Variants in BBS9 observed in about 807,000 individuals in gnomAD.
BBS9 encodes protein PTHB1.
A neutral mutation model predicts 117.7 loss-of-function variants in BBS9; 89 were observed. The ratio of observed to expected loss-of-function variants is 0.76; its 90% CI spans 0.64 to 0.90. The LOEUF is 0.90. Among genes scored for constraint, BBS9 ranks in the 40% least tolerant of loss-of-function variants. The pLI is 0.00. For missense variants in BBS9, 982 were observed against 1,042.2 expected, an observed-to-expected ratio of 0.94 and a Z score of 0.80; for synonymous variants, 379 against 370.9, an observed-to-expected ratio of 1.02 and a Z score of -0.25.
chr7:33,512,207 T>G (rs1380190686), intron 20 of BBS9, among the ~76,000 whole-genome samples: 1 of 152,214 alleles, frequency 6.6e-6, no homozygotes, highest in Non-Finnish European at 1.5e-5. Flanking sequence ...TTGAATATGG[T>G]ATATCTTAGA....
chr7:33,165,258 A>G (rs907686512), intron 4 of BBS9, among the ~76,000 whole-genome samples: 4 of 152,124 alleles, frequency 2.6e-5, no homozygotes, highest in African/African-American at 9.7e-5. Flanking sequence ...GGCTGCCCTT[A>G]ACATTTTTTC....
chr7:33,317,769 G>C (rs1258588773), intron 9 of BBS9, among the ~76,000 whole-genome samples: 1 of 152,142 alleles, frequency 6.6e-6, no homozygotes, highest in African/African-American at 2.4e-5. Context: ...ACCCTTGCAT[G>C]GGCCAGGCGC....
rs1484474549 is a variant in BBS9, at chr7:33,167,527, TG to T, written c.329-9948del. Among the ~76,000 whole-genome samples, 3 of 151,590 alleles carry T rather than the reference TG, an allele frequency of 2.0e-5. No individual in the cohort carries two copies. The East Asian group carries it at 5.8e-4, about 29-fold the overall frequency. ...AAGCGACTCTCCTGCCTCAGCCTCC[TG>T]GGTGGCTGGGATTGCAGGTGCCCAC... On this transcript the variant is annotated intron_variant, in intron 4 of 22. Transcript: ENST00000242067.
At position 33,196,009 on chromosome 7, in the gene BBS9, T is replaced by A. The variant is rs143904736; in HGVS notation, c.442+18418T>A. 7.8e-3 allele frequency among the ~76,000 whole-genome samples: 1,191 copies of A among 152,278 alleles called. 19 individuals carry two copies. The highest frequency in any genetic ancestry group is 0.027 in the African/African-American group (1,137 of 41,552). On this transcript the variant is annotated intron_variant, in intron 5 of 22. Transcript: ENST00000242067. ...AGTAAAGGAAGTGAATGGATTTTTA[T>A]CAATAATATATATGAGCATAGTGGA...
At chr7:33,505,671 G>C (rs1436399494) in intron 20 of BBS9, 26 bp downstream of exon 20, 2 of 1,610,352 alleles carry the variant, frequency 1.2e-6, no homozygotes, top group Non-Finnish European at 1.7e-6. Flanking sequence ...CCTGTGGTGG[G>C]AACAGCCAGC....
chr7:33,543,153 C>T (rs1852678408), intron 21 of BBS9, among the ~76,000 whole-genome samples: 1 of 152,100 alleles, frequency 6.6e-6, no homozygotes, highest in African/African-American at 2.4e-5. Context: ...TATGGCCATT[C>T]TTGCAGGAGT....
At chr7:33,199,063 CAT>C (rs1398851486) in intron 5 of BBS9, among the ~76,000 whole-genome samples, 2 of 151,978 alleles carry the variant, frequency 1.3e-5, no homozygotes, top group Admixed American at 1.3e-4. Context: ...TTGATCAACA[CAT>C]AATATAATTT....
intron 16 of BBS9, among the ~76,000 whole-genome samples, chr7:33,365,224 C>A (rs1821455124): frequency 6.6e-6 from 1 of 151,866 alleles, no homozygotes; most frequent in African/African-American, 2.4e-5. Context: ...AGGGATATGT[C>A]TTCTTTGTTT....
In BBS9 at chr7:33,376,289, T is replaced by C. The variant is rs971768483; in HGVS notation, c.1790-7377T>C. On this transcript the variant is annotated intron_variant, in intron 17 of 22. Transcript: ENST00000242067. ...ATAAGTGAGAATATGCAGTATTTTT[T>C]TTTGTTGTTGTTATTGTTCCTGCAT... 1.6e-4 allele frequency among the ~76,000 whole-genome samples: 24 copies of C among 152,092 alleles called. 1 individual carries two copies. The highest frequency in any genetic ancestry group is 5.9e-5 in the Non-Finnish European group (4 of 68,018).
chr7:33,251,447 C>T (rs1039626119), intron 5 of BBS9, among the ~76,000 whole-genome samples: 2 of 152,100 alleles, frequency 1.3e-5, no homozygotes, highest in Non-Finnish European at 2.9e-5. Flanking sequence ...CTCACCCAAA[C>T]CTTATGGCTG....
At chr7:33,223,573 C>T (rs1295039423) in intron 5 of BBS9, among the ~76,000 whole-genome samples, 3 of 152,174 alleles carry the variant, frequency 2.0e-5, no homozygotes, top group African/African-American at 7.2e-5. Flanking sequence ...ACCAATTACA[C>T]CTACCTTCCT....
chr7:33,521,881 T>G (rs978464958), intron 20 of BBS9, among the ~76,000 whole-genome samples: 3 of 145,736 alleles, frequency 2.1e-5, no homozygotes, highest in African/African-American at 5.1e-5. Context: ...TATCTCCCAA[T>G]GCTATCCCTC....
intron 9 of BBS9, among the ~76,000 whole-genome samples, chr7:33,297,605 C>T (rs1805534614): frequency 6.6e-6 from 1 of 152,010 alleles, no homozygotes; most frequent in Non-Finnish European, 1.5e-5. Flanking sequence ...TTTTAGGCAC[C>T]TACTTGCCAC....
chr7:33,411,915 T>C (rs1171346750), intron 19 of BBS9, among the ~76,000 whole-genome samples: 1 of 152,158 alleles, frequency 6.6e-6, no homozygotes, highest in Non-Finnish European at 1.5e-5. Flanking sequence ...CAGATAATAA[T>C]TATAAGCATG....
intron 19 of BBS9, among the ~76,000 whole-genome samples, chr7:33,484,115 A>G (rs1277223615): frequency 6.6e-6 from 1 of 152,222 alleles, no homozygotes; most frequent in Non-Finnish European, 1.5e-5. Flanking sequence ...GTTAATATTG[A>G]TTGATCTGAA....
intron 5 of BBS9, among the ~76,000 whole-genome samples, chr7:33,189,114 G>A (rs933209782): frequency 6.6e-6 from 1 of 152,070 alleles, no homozygotes; most frequent in African/African-American, 2.4e-5. Flanking sequence ...TCTGCCTCCC[G>A]AGTTCAAGCA....
chr7:33,436,608 G>A (rs2128888779), intron 19 of BBS9, among the ~76,000 whole-genome samples: 1 of 152,248 alleles, frequency 6.6e-6, no homozygotes, highest in South Asian at 2.1e-4. Flanking sequence ...GAATTTATTT[G>A]TTAAGACTCA....
At chr7:33,167,690 C>A (rs550779395) in intron 4 of BBS9, among the ~76,000 whole-genome samples, 1 of 152,218 alleles carries the variant, frequency 6.6e-6, no homozygotes, top group East Asian at 1.9e-4. Context: ...TGAGCCACCA[C>A]GATCAGCCTT....
intron 5 of BBS9, among the ~76,000 whole-genome samples, chr7:33,256,919 C>T (rs1184521585): frequency 6.6e-6 from 1 of 151,962 alleles, no homozygotes; most frequent in African/African-American, 2.4e-5. Context: ...CTATGATAAA[C>T]TGTATCAGTT....
Sources: allele counts gnomAD v4.1 joint callset (sites outside exome capture counted in the v4.1 genomes callset), GRCh38; gene constraint gnomAD v4.1.1; transcripts MANE v1.5; gene names NCBI Gene and HGNC (gene_info 2026-07-23, HGNC 2026-07-21).